PDE4D: variants seen among roughly 807,000 people sequenced by gnomAD.
PDE4D encodes 3',5'-cyclic-AMP phosphodiesterase 4D.
In PDE4D, 24 loss-of-function variants were observed where a neutral mutation model predicts 87.4. The observed-to-expected ratio is 0.27, with a 90% CI of 0.20 to 0.39. The LOEUF (loss-of-function observed/expected upper bound fraction) is 0.39, where lower values mean the gene tolerates loss of function less well. Among genes scored for constraint, PDE4D ranks in the 10% least tolerant of loss-of-function variants. The pLI, the probability that PDE4D is intolerant of heterozygous loss-of-function variation, is 1.00. For synonymous variants in PDE4D, 384 were observed against 383.2 expected (o/e 1.00, Z -0.02); for missense variants, 714 against 1,041.0 (o/e 0.69, Z 4.32).
chr5:59,988,487 C>T lies in PDE4D; in HGVS notation c.272+1G>A. ...GGGAAATGACATCTGAGGGCACTCACCCACTGGATTCTGCAGAAGTGATAG... is the reference window on the plus strand; with the variant it reads ...GGGAAATGACATCTGAGGGCACTCATCCACTGGATTCTGCAGAAGTGATAG... On this transcript the variant is annotated splice_donor_variant, in intron 3 of 16. Transcript: ENST00000502484. LOFTEE classifies it high-confidence loss of function. The T allele has an allele frequency of 1.3e-6, 2 of 1,580,028 alleles. No homozygotes were observed.
chr5:59,547,853 C>A (rs1817534198), intron 1 of PDE4D, among the ~76,000 whole-genome samples: 1 of 152,178 alleles, frequency 6.6e-6, no homozygotes, highest in Admixed American at 6.6e-5. Flanking sequence ...CCTGGTCAGT[C>A]AGTCACAATT....
At chr5:60,135,911 T>C (rs1288216959) in intron 2 of PDE4D, among the ~76,000 whole-genome samples, 5 of 152,290 alleles carry the variant, frequency 3.3e-5, no homozygotes, top group East Asian at 1.9e-4. Flanking sequence ...CTTTCCAAGC[T>C]TCTTTGACAA....
At chr5:58,984,913 T>C (rs932143788) in intron 11 of PDE4D, among the ~76,000 whole-genome samples, 4 of 152,052 alleles carry the variant, frequency 2.6e-5, no homozygotes, top group Admixed American at 2.6e-4. Context: ...TGGATTTATT[T>C]ATTTATTTAT....
At chr5:59,198,073 T>G (rs1745863113) in intron 2 of PDE4D, among the ~76,000 whole-genome samples, 1 of 152,244 alleles carries the variant, frequency 6.6e-6, no homozygotes, top group African/African-American at 2.4e-5. Flanking sequence ...CGCCTGGACA[T>G]TTTGAAATTG....
At chr5:60,123,011 G>T (rs1778822462) in intron 2 of PDE4D, among the ~76,000 whole-genome samples, 1 of 152,114 alleles carries the variant, frequency 6.6e-6, no homozygotes, top group Non-Finnish European at 1.5e-5. Context: ...GAGTCTCTTT[G>T]CTAAAACATA....
chr5:59,769,932 C>T (rs1763276920), intron 1 of PDE4D, among the ~76,000 whole-genome samples: 1 of 152,152 alleles, frequency 6.6e-6, no homozygotes, highest in Non-Finnish European at 1.5e-5. Context: ...CCCTGCCCCC[C>T]TGGTTGCTCC....
chr5:60,475,142 C>G (rs940746433), intron 1 of PDE4D, among the ~76,000 whole-genome samples: 9 of 152,072 alleles, frequency 5.9e-5, no homozygotes, highest in Non-Finnish European at 8.8e-5. Context: ...GTCTTCTCCC[C>G]CCTAATGTTA....
At chr5:59,244,512 T>A (rs1487643959) in intron 1 of PDE4D, among the ~76,000 whole-genome samples, 1 of 150,866 alleles carries the variant, frequency 6.6e-6, no homozygotes, top group East Asian at 2.0e-4. Flanking sequence ...ATGTGCCAGA[T>A]GAATATCAGG....
At chr5:60,342,217 A>G (rs1758375281) in intron 1 of PDE4D, among the ~76,000 whole-genome samples, 2 of 152,212 alleles carry the variant, frequency 1.3e-5, no homozygotes, top group Admixed American at 6.5e-5. Flanking sequence ...TCTCAGCTGT[A>G]AAAGGGGAGA....
intron 5 of PDE4D, among the ~76,000 whole-genome samples, chr5:59,172,410 T>G (rs898792668): frequency 6.9e-6 from 1 of 143,912 alleles, no homozygotes; most frequent in East Asian, 2.0e-4. Flanking sequence ...TAAAGAGGTT[T>G]CAGTCCAGGC....
At chr5:59,904,495 C>T (rs1333738656) in intron 3 of PDE4D, among the ~76,000 whole-genome samples, 3 of 152,152 alleles carry the variant, frequency 2.0e-5, no homozygotes, top group South Asian at 2.1e-4. Context: ...CCAAGACCTC[C>T]AAAATGCAAT....
At chr5:59,507,664 C>CAAAAAAAAA (rs1284106865) in intron 1 of PDE4D, among the ~76,000 whole-genome samples, 5 of 79,814 alleles carry the variant, frequency 6.3e-5, no homozygotes, top group Non-Finnish European at 9.5e-5. Flanking sequence ...TACCCTGTCT[C>CAAAAAAAAA]AAAAAAAAAA....
At chr5:59,994,018 T>C (rs898225116) in intron 2 of PDE4D, among the ~76,000 whole-genome samples, 2 of 151,976 alleles carry the variant, frequency 1.3e-5, no homozygotes, top group African/African-American at 4.8e-5. Context: ...TAATTGACAC[T>C]TACAATGGAT....
chr5:59,789,151 G>A (rs1161049355), intron 1 of PDE4D, among the ~76,000 whole-genome samples: 2 of 152,206 alleles, frequency 1.3e-5, no homozygotes, highest in Admixed American at 6.5e-5. Flanking sequence ...AAACTGGGAA[G>A]CCTCACCTAA....
At chr5:60,280,654 G>C (rs1751809524) in intron 1 of PDE4D, among the ~76,000 whole-genome samples, 1 of 152,100 alleles carries the variant, frequency 6.6e-6, no homozygotes, top group Non-Finnish European at 1.5e-5. Flanking sequence ...GAGGCTGCTG[G>C]AACAAACCCT....
chr5:60,071,529 T>G (rs1395636879), intron 2 of PDE4D, among the ~76,000 whole-genome samples: 2 of 152,146 alleles, frequency 1.3e-5, no homozygotes, highest in Non-Finnish European at 2.9e-5. Context: ...ATTCAAAAGA[T>G]TTAGCCATCT....
intron 1 of PDE4D, among the ~76,000 whole-genome samples, chr5:59,557,307 A>C (rs954874380): frequency 2.0e-5 from 3 of 152,206 alleles, no homozygotes; most frequent in Non-Finnish European, 4.4e-5. Context: ...GTTTTACATA[A>C]ATTTGCAATG....
rs575281842 is a variant in PDE4D at position 59,115,407 on chromosome 5, C to T, written c.808+65188G>A. On this transcript the variant is annotated intron_variant, in intron 5 of 14. Transcript: ENST00000340635. Reference sequence around the variant, plus strand: ...TCTTTTTCTGTTGTTGTTTTCAGGCCATCAGCTGACATTTGGCTAATATCA... The same window carrying T: ...TCTTTTTCTGTTGTTGTTTTCAGGCTATCAGCTGACATTTGGCTAATATCA... 5.3e-5 allele frequency among the ~76,000 whole-genome samples: 8 copies of T among 152,182 alleles called. No homozygotes were observed. The South Asian group carries it at 1.7e-3, about 32-fold the overall frequency.
chr5:58,998,144 A>G (rs1749655332), intron 6 of PDE4D, among the ~76,000 whole-genome samples: 1 of 152,158 alleles, frequency 6.6e-6, no homozygotes, highest in African/African-American at 2.4e-5. Context: ...TTCAAAATGC[A>G]TAAGACCAAA....
Sources: allele counts gnomAD v4.1 joint callset (sites outside exome capture counted in the v4.1 genomes callset), GRCh38; gene constraint gnomAD v4.1.1; transcripts MANE v1.5; gene names NCBI Gene and HGNC (gene_info 2026-07-23, HGNC 2026-07-21).